Variants in LYPD1 observed in about 807,000 individuals in gnomAD.
LYPD1 encodes the protein ly6/PLAUR domain-containing protein 1.
In LYPD1, 14 loss-of-function variants were observed where a neutral mutation model predicts 14.2. The observed-to-expected ratio is 0.99, with a 90% confidence interval of 0.65 to 1.54. The LOEUF (loss-of-function observed/expected upper bound fraction) is 1.54, where lower values mean the gene tolerates loss of function less well. Ranked by LOEUF, LYPD1 falls within the 40% of genes most tolerant of loss-of-function variation. The pLI, the probability that LYPD1 is intolerant of heterozygous loss-of-function variation, is 0.00. For missense variants in LYPD1, 165 were observed against 175.7 expected (o/e 0.94, Z 0.34); for synonymous variants, 85 against 70.6 (o/e 1.20, Z -1.02).
At chr2:132,670,451 G>C (rs1683634788), upstream of LYPD1, among the ~76,000 whole-genome samples, 1 of 152,152 alleles carries the variant, frequency 6.6e-6, no homozygotes, top group Non-Finnish European at 1.5e-5. This position sits in a 1 kb window ranked among gnomAD's most constrained non-coding sequence, Gnocchi z 4.5. Flanking sequence ...TGGGGGAGCG[G>C]CGAGGAGGGC....
intron 2 of LYPD1, among the ~76,000 whole-genome samples, chr2:132,658,135 G>A (rs1573740523): frequency 6.6e-6 from 1 of 152,170 alleles, no homozygotes; most frequent in East Asian, 1.9e-4. Context: ...ATCATCTTGT[G>A]ATCAAGAGGC....
Position 132,669,369 on chromosome 2 carries a change from C to T in LYPD1, c.52+512G>A, listed in dbSNP as rs1466645818. Among the ~76,000 whole-genome samples the T allele has an allele frequency of 6.6e-6, 1 of 152,090 alleles. No individual in the cohort carries two copies. The highest frequency in any genetic ancestry group is 2.4e-5 in the African/African-American group (1 of 41,408). On this transcript the variant is annotated intron_variant, in intron 1 of 2. Transcript: ENST00000397463. This position sits in a 1 kb window ranked among gnomAD's most constrained non-coding sequence, Gnocchi z 4.3. ...TGCGCCTCTGGACGCTTCGGCCTGG[C>T]TGTTCTCGGTGTACGCGCTCCTGTC...
chr2:132,657,847 A>C (rs2104912723), intron 2 of LYPD1, among the ~76,000 whole-genome samples: 1 of 152,270 alleles, frequency 6.6e-6, no homozygotes, highest in East Asian at 1.9e-4. Context: ...AAGAAAAATT[A>C]TCCCTGTCCT....
Position 132,645,125 on chromosome 2 carries a change from T to C in LYPD1, c.*920A>G, listed in dbSNP as rs1486104822. The C allele has an allele frequency of 3.1e-6, 5 of 1,613,612 alleles. No individual in the cohort carries two copies. The African/African-American group carries it at 5.3e-5, about 17-fold the overall frequency. The stretch of plus-strand genomic sequence containing the variant: ...GGGCTGATTGTTGTGACATTGGCCG[T>C]ATGCTGGATGCCCAACCAGATTCGG... On this transcript the variant is annotated 3_prime_UTR_variant, in exon 3 of 3. Coordinates refer to ENST00000397463, the MANE Select transcript of LYPD1 (RefSeq NM_144586.7).
rs780400363 is a variant in LYPD1, at chr2:132,645,294, G to A, written c.*751C>T. On this transcript the variant is annotated 3_prime_UTR_variant, in exon 3 of 3. Coordinates refer to ENST00000397463, the MANE Select transcript of LYPD1 (RefSeq NM_144586.7). ...TCCTGTACACGGTGTCCTCGCAGCA[G>A]TTTCGGCGGGTGTTCGTGCAGGTGC... 1.2e-6 allele frequency: 2 copies of A among 1,614,222 alleles called. No individual in the cohort carries two copies. The highest frequency in any genetic ancestry group is 2.2e-5 in the South Asian group (2 of 91,086).
At chr2:132,670,337 TC>T, upstream of LYPD1, 1 of 235,180 alleles carries the variant, frequency 4.3e-6, no homozygotes. This position sits in a 1 kb window ranked among gnomAD's most constrained non-coding sequence, Gnocchi z 4.5. Flanking sequence ...TCGCTTCACA[TC>T]CCCACCCCCT....
At chr2:132,660,069 T>C (rs1264122825) in intron 2 of LYPD1, among the ~76,000 whole-genome samples, 2 of 152,208 alleles carry the variant, frequency 1.3e-5, no homozygotes, top group Non-Finnish European at 2.9e-5. Flanking sequence ...GCCGCGTGCC[T>C]GGCGCGGCCC....
At chr2:132,662,150 C>G (rs1202439062) in intron 2 of LYPD1, among the ~76,000 whole-genome samples, 1 of 152,182 alleles carries the variant, frequency 6.6e-6, no homozygotes, top group Non-Finnish European at 1.5e-5. Flanking sequence ...AATATAGAAA[C>G]AGTGTACAAA....
At position 132,669,017 on chromosome 2, in the gene LYPD1, T is replaced by C. The variant is rs1376507638; in HGVS notation, c.53-480A>G. On this transcript the variant is annotated intron_variant, in intron 1 of 2. Transcript: ENST00000397463. This position sits in a 1 kb window ranked among gnomAD's most constrained non-coding sequence, Gnocchi z 4.3. Reference sequence around the variant, plus strand: ...ATTTAATTTTTAAAGTCAGCGTTTCTGTGCCAGGGCTCTGAGGATCCCTGA... The same window carrying C: ...ATTTAATTTTTAAAGTCAGCGTTTCCGTGCCAGGGCTCTGAGGATCCCTGA... Among the ~76,000 whole-genome samples the C allele has an allele frequency of 6.6e-6, 1 of 152,274 alleles. No individual in the cohort carries two copies. Among genetic ancestry groups the C allele is most frequent in the Non-Finnish European group, 1.5e-5 (1 of 68,054 alleles).
intron 1 of LYPD1, among the ~76,000 whole-genome samples, chr2:132,668,975 C>T (rs1045314268): frequency 6.6e-6 from 1 of 152,228 alleles, no homozygotes. Flanking sequence ...TCGCAGACGT[C>T]TTTTTAGTTT....
intron 2 of LYPD1, among the ~76,000 whole-genome samples, chr2:132,665,243 A>G (rs767184885): frequency 1.3e-5 from 2 of 152,268 alleles, no homozygotes; most frequent in Non-Finnish European, 2.9e-5. Flanking sequence ...CAGAAAACTG[A>G]AGGCCTATGC....
intron 2 of LYPD1, 62 bp downstream of exon 2, chr2:132,668,338 C>T: frequency 1.3e-6 from 2 of 1,513,336 alleles, no homozygotes; most frequent in South Asian, 1.3e-5. Context: ...ATTTAATGGC[C>T]CCCTCACTCC....
intron 2 of LYPD1, among the ~76,000 whole-genome samples, chr2:132,661,646 C>A (rs1682946162): frequency 6.6e-6 from 1 of 152,110 alleles, no homozygotes; most frequent in South Asian, 2.1e-4. Context: ...AAAGGCCACA[C>A]AGTATGAGAT....
chr2:132,668,788 C>T (rs1413355839), intron 1 of LYPD1, among the ~76,000 whole-genome samples: 3 of 152,170 alleles, frequency 2.0e-5, no homozygotes, highest in Admixed American at 2.0e-4. Flanking sequence ...AGCGCCCATC[C>T]ATTACCACCC....
chr2:132,654,887 T>C (rs1682499865), intron 2 of LYPD1, among the ~76,000 whole-genome samples: 2 of 152,110 alleles, frequency 1.3e-5, no homozygotes, highest in Admixed American at 1.3e-4. Flanking sequence ...TAGCTGGGAC[T>C]ACAGGCGCCT....
intron 2 of LYPD1, among the ~76,000 whole-genome samples, chr2:132,651,159 C>A (rs1472327881): frequency 6.6e-6 from 1 of 152,176 alleles, no homozygotes; most frequent in Non-Finnish European, 1.5e-5. Context: ...ACTTTTGACC[C>A]TTTCTTACCA....
At chr2:132,647,332 T>C (rs1201557156) in intron 2 of LYPD1, among the ~76,000 whole-genome samples, 1 of 152,272 alleles carries the variant, frequency 6.6e-6, no homozygotes, top group South Asian at 2.1e-4. Context: ...AGACGGTGTT[T>C]ACTGTATAGC....
At position 132,670,067 on chromosome 2, in the gene LYPD1, T is replaced by C. The variant is rs1380042589; in HGVS notation, c.-135A>G. On this transcript the variant is annotated 5_prime_UTR_variant, in exon 1 of 3. Coordinates refer to ENST00000397463, the MANE Select transcript of LYPD1 (RefSeq NM_144586.7). The surrounding 1 kb of genome is among the most constrained non-coding windows in gnomAD (Gnocchi z 4.5). The stretch of plus-strand genomic sequence containing the variant: ...GCTGCTGCCGCGGAGACGACGGTCG[T>C]AGCTTAGAGGAGCCGCAGGTGCCGC... The C allele has an allele frequency of 6.6e-7, 1 of 1,515,540 alleles. No individual in the cohort carries two copies. The highest frequency in any genetic ancestry group is 1.2e-5 in the South Asian group (1 of 82,186). The allele number at this position is 1,515,540 out of a possible 1,614,324, so 93.9% of individuals were successfully genotyped here.
At chr2:132,647,495 A>AACTTTTGTAGTTTTAGCACACCCGG in intron 2 of LYPD1, among the ~76,000 whole-genome samples, 1 of 152,090 alleles carries the variant, frequency 6.6e-6, no homozygotes, top group South Asian at 2.1e-4. Flanking sequence ...ACCACACCCG[A>AACTTTTGTAGTTTTAGCACACCCGG]CTAACTTTTG....
Sources: gnomAD v4.1 joint callset for allele counts (sites outside exome capture counted in the v4.1 genomes callset) on GRCh38, gnomAD v4.1.1 for gene constraint, Gnocchi (gnomAD v3.1) non-coding constraint, MANE v1.5 for transcripts, NCBI Gene and HGNC (gene_info 2026-07-23, HGNC 2026-07-21) for gene names.